Variants in ABL1 observed in about 807,000 individuals in gnomAD.
The protein encoded by ABL1 is tyrosine-protein kinase ABL1.
A neutral mutation model predicts 94.7 loss-of-function variants in ABL1; 11 were observed. The observed-to-expected ratio is 0.12, with a 90% CI of 0.07 to 0.19. The LOEUF is 0.19. ABL1 is among the 10% of genes least tolerant of loss of function. The pLI, the probability that ABL1 is intolerant of heterozygous loss-of-function variation, is 1.00. For missense variants in ABL1, 1,082 were observed against 1,489.4 expected (o/e 0.73, Z 4.50); for synonymous variants, 656 against 622.4 (o/e 1.05, Z -0.80).
At chr9:130,835,015 G>A (rs1461759686), upstream of ABL1, 1 of 343,380 alleles carries the variant, frequency 2.9e-6, no homozygotes, top group Non-Finnish European at 5.9e-6. The surrounding 1 kb of genome is among the most constrained non-coding windows in gnomAD (Gnocchi z 4.6). Flanking sequence ...CCTCCCCGCC[G>A]GGGCTGGGAC....
chr9:130,715,137 A>G (rs1423718386), intron 1 of ABL1, among the ~76,000 whole-genome samples: 1 of 152,188 alleles, frequency 6.6e-6, no homozygotes, highest in Non-Finnish European at 1.5e-5. Context: ...AATAAAGGTT[A>G]TCTGTGACAT....
At chr9:130,744,387 C>T (rs552388509) in intron 1 of ABL1, among the ~76,000 whole-genome samples, 18 of 151,466 alleles carry the variant, frequency 1.2e-4, no homozygotes, top group African/African-American at 3.9e-4. Context: ...GTGATCCACC[C>T]GCCTCGGCCT....
chr9:130,795,588 T>C (rs760473575), intron 1 of ABL1, among the ~76,000 whole-genome samples: 1 of 152,170 alleles, frequency 6.6e-6, no homozygotes, highest in African/African-American at 2.4e-5. Flanking sequence ...TGCTTAGGTG[T>C]CTCCCCTTTA....
chr9:130,875,517 G>T lies in ABL1; in HGVS notation c.1270+465G>T, dbSNP rs189579666. ...TGGTGCACAGTGTATCTGCTGATCT[G>T]TTAAGTCTCCTCTATAAGCCCCCTC... On this transcript the variant is annotated intron_variant, in intron 7 of 10. Coordinates refer to ENST00000318560, the MANE Select transcript of ABL1 (RefSeq NM_005157.6). 6.9e-3 allele frequency among the ~76,000 whole-genome samples: 1,046 copies of T among 151,116 alleles called. 4 individuals are homozygous for T. The highest frequency in any genetic ancestry group is 0.013 in the Non-Finnish European group (866 of 67,848).
At chr9:130,725,253 C>A (rs1159819981) in intron 1 of ABL1, among the ~76,000 whole-genome samples, 1 of 152,162 alleles carries the variant, frequency 6.6e-6, no homozygotes, top group Non-Finnish European at 1.5e-5. Context: ...CCTCTTTCCC[C>A]ACTTCTTGGT....
intron 1 of ABL1, among the ~76,000 whole-genome samples, chr9:130,769,657 T>C (rs1832228820): frequency 6.6e-6 from 1 of 152,142 alleles, no homozygotes; most frequent in Admixed American, 6.5e-5. Context: ...TTTATTGTAT[T>C]GTATTGTATT....
At position 130,715,844 on chromosome 9, in the gene ABL1, C is replaced by T. The variant is rs142275655; in HGVS notation, c.136+1389C>T. 3.5e-3 allele frequency among the ~76,000 whole-genome samples: 536 copies of T among 152,180 alleles called. 2 individuals carry two copies. Among genetic ancestry groups the T allele is most frequent in the African/African-American group, 0.012 (508 of 41,528 alleles). On this transcript the variant is annotated intron_variant, in intron 1 of 10. Transcript: ENST00000372348. ...CTCTTCAGGGGTTGAGAGGCTAAAA[C>T]TATTTTCTTGTTAATAGAGTACCAA...
chr9:130,883,916 C>T, intron 10 of ABL1, 53 bp from the exon 11 acceptor site: 4 of 1,546,116 alleles, frequency 2.6e-6, no homozygotes, highest in South Asian at 1.3e-5. Flanking sequence ...CGATTCTCCT[C>T]TGTCAGCCTC....
chr9:130,800,407 C>T (rs2132828132), intron 1 of ABL1, among the ~76,000 whole-genome samples: 1 of 151,964 alleles, frequency 6.6e-6, no homozygotes, highest in Non-Finnish European at 1.5e-5. Context: ...CAGAAACCAC[C>T]ACTACAGAAC....
chr9:130,886,845 G>A lies in ABL1; in HGVS notation c.*1162G>A, dbSNP rs919095038. 8.6e-6 allele frequency: 2 copies of A among 233,378 alleles called. No homozygotes were observed. Among genetic ancestry groups the A allele is most frequent in the East Asian group, 1.2e-4 (2 of 16,556 alleles). 14.5% of individuals were successfully genotyped at this position (233,378 alleles called of 1,614,324 possible). On this transcript the variant is annotated 3_prime_UTR_variant, in exon 11 of 11. Transcript: ENST00000318560. ...GCGCACAGGTGGGAGGAAAGGGCCT[G>A]GCCAGTCCTGGTCCTGGCTGCACTC...
Position 130,729,861 on chromosome 9 carries a change from G to C in ABL1, c.136+15406G>C, listed in dbSNP as rs549508888. On this transcript the variant is annotated intron_variant, in intron 1 of 10. Transcript: ENST00000372348. The stretch of plus-strand genomic sequence containing the variant: ...AGCGATTCTCCTGCTTCAGCCTCCT[G>C]TGTAGCTGGGACTACAGGCATGCAC... 3.3e-5 allele frequency among the ~76,000 whole-genome samples: 5 copies of C among 149,842 alleles called. No homozygotes were observed. In the South Asian group the frequency reaches 1.1e-3, roughly 32 times the overall value.
intron 3 of ABL1, among the ~76,000 whole-genome samples, chr9:130,858,039 C>G (rs904794281): frequency 6.6e-6 from 1 of 152,094 alleles, no homozygotes; most frequent in Non-Finnish European, 1.5e-5. Flanking sequence ...CTGGAGCAGA[C>G]AGCTTGCTTC....
intron 1 of ABL1, among the ~76,000 whole-genome samples, chr9:130,734,458 G>A (rs747033521): frequency 5.3e-5 from 8 of 150,764 alleles, no homozygotes; most frequent in Non-Finnish European, 1.2e-4. Context: ...CTCGTGATCC[G>A]CCCGCCTTGG....
chr9:130,853,921 A>G (rs1210622275), intron 1 of ABL1, 143 bp from the exon 2 acceptor site: 10 of 756,092 alleles, frequency 1.3e-5, no homozygotes, highest in East Asian at 5.7e-5. Context: ...CTTAATGATA[A>G]TAGTATGTAC....
At chr9:130,804,923 G>A (rs895068075) in intron 1 of ABL1, among the ~76,000 whole-genome samples, 1 of 152,204 alleles carries the variant, frequency 6.6e-6, no homozygotes, top group Admixed American at 6.5e-5. Context: ...GGGACCAAGA[G>A]GGAGGTCTCT....
chr9:130,871,220 A>G (rs535691009), intron 4 of ABL1, among the ~76,000 whole-genome samples: 9 of 152,336 alleles, frequency 5.9e-5, no homozygotes, highest in Admixed American at 3.9e-4. Context: ...TTGTTCTGAT[A>G]GTCAGTTCAG....
chr9:130,769,147 G>A (rs952994224), intron 1 of ABL1, among the ~76,000 whole-genome samples: 1 of 152,106 alleles, frequency 6.6e-6, no homozygotes, highest in Admixed American at 6.6e-5. Flanking sequence ...AATAGTGCTT[G>A]TTGTATAGTT....
At chr9:130,788,490 T>C (rs986447123) in intron 1 of ABL1, among the ~76,000 whole-genome samples, 3 of 152,232 alleles carry the variant, frequency 2.0e-5, no homozygotes, top group Non-Finnish European at 4.4e-5. Flanking sequence ...CTTTAGGAAA[T>C]TTAACTTTGA....
intron 1 of ABL1, among the ~76,000 whole-genome samples, chr9:130,826,031 T>C (rs2132885253): frequency 6.6e-6 from 1 of 152,220 alleles, no homozygotes; most frequent in South Asian, 2.1e-4. Context: ...AAGATAGGGG[T>C]TTTCCTTGCT....
Sources: gnomAD v4.1 joint callset for allele counts (sites outside exome capture counted in the v4.1 genomes callset) on GRCh38, gnomAD v4.1.1 for gene constraint, Gnocchi (gnomAD v3.1) non-coding constraint, MANE v1.5 for transcripts, NCBI Gene and HGNC (gene_info 2026-07-23, HGNC 2026-07-21) for gene names.